Variants in GSTCD observed in about 807,000 individuals in gnomAD.
The protein encoded by GSTCD is glutathione S-transferase C-terminal domain-containing protein.
Under a neutral mutation model 68.3 loss-of-function variants are expected in GSTCD, and 44 were observed. That is an observed-to-expected ratio of 0.64 (90% CI 0.51 to 0.83). The LOEUF (loss-of-function observed/expected upper bound fraction) is 0.83, where lower values mean the gene tolerates loss of function less well. Ranked by LOEUF, GSTCD falls within the 40% of genes least tolerant of loss-of-function variation. The probability of loss-of-function intolerance (pLI) is 0.00; values close to 1 mark genes in which losing one functional copy is unlikely to be tolerated. For missense variants in GSTCD, 739 were observed against 735.9 expected, an observed-to-expected ratio of 1.00 and a Z score of -0.05; for synonymous variants, 273 against 255.2, an observed-to-expected ratio of 1.07 and a Z score of -0.67.
intron 4 of GSTCD, among the ~76,000 whole-genome samples, chr4:105,727,979 A>G (rs182162873): frequency 1.3e-5 from 2 of 152,318 alleles, no homozygotes; most frequent in Non-Finnish European, 2.9e-5. Context: ...TGATTTAGAA[A>G]TGGACAGGAA....
At chr4:105,709,872 A>G (rs1407433129) in intron 1 of GSTCD, among the ~76,000 whole-genome samples, 2 of 152,240 alleles carry the variant, frequency 1.3e-5, no homozygotes, top group African/African-American at 4.8e-5. Flanking sequence ...AATTTTAAAC[A>G]TGTAAACATA....
intron 5 of GSTCD, among the ~76,000 whole-genome samples, chr4:105,770,363 T>G (rs1176519615): frequency 6.6e-6 from 1 of 151,954 alleles, no homozygotes; most frequent in Non-Finnish European, 1.5e-5. Context: ...CTTATACTTT[T>G]TTTTTTTCCT....
chr4:105,742,442 G>C (rs528959069), intron 5 of GSTCD, among the ~76,000 whole-genome samples: 6 of 152,194 alleles, frequency 3.9e-5, no homozygotes, highest in Middle Eastern at 3.4e-3. Context: ...GAGTCAACCT[G>C]CCTGAAATTT....
At chr4:105,808,701 C>A (rs1252978993) in intron 5 of GSTCD, among the ~76,000 whole-genome samples, 3 of 152,194 alleles carry the variant, frequency 2.0e-5, no homozygotes, top group African/African-American at 7.2e-5. Context: ...GGTTTAGTTA[C>A]CCGCAGTCAA....
Position 105,719,119 on chromosome 4 carries a change from C to T in GSTCD, c.486C>T (p.Leu162=). The T allele has an allele frequency of 5.0e-6, 8 of 1,614,114 alleles. No homozygotes were observed. Among genetic ancestry groups the T allele is most frequent in the Non-Finnish European group, 6.8e-6 (8 of 1,179,996 alleles). The part of the protein sequence containing the change: ...LTIPLAIENF[L]RESSDQPPTI... ...TCCCTTTGGCTATTGAGAATTTTCTCAGAGAATCTTCTGACCAGCCCCCAA... is the reference window on the plus strand; with the variant it reads ...TCCCTTTGGCTATTGAGAATTTTCTTAGAGAATCTTCTGACCAGCCCCCAA... The change falls in exon 3 of 12, where the codon CTC becomes CTT. Residue 162 remains leucine (L), a synonymous_variant. Coordinates refer to ENST00000515279, the MANE Select transcript of GSTCD (RefSeq NM_001370181.1).
At chr4:105,840,879 A>G (rs1383114031) in intron 10 of GSTCD, among the ~76,000 whole-genome samples, 1 of 152,196 alleles carries the variant, frequency 6.6e-6, no homozygotes, top group Non-Finnish European at 1.5e-5. Flanking sequence ...GAAAGAAATC[A>G]AGCTTCTTTC....
chr4:105,792,845 C>T (rs1735728408), intron 5 of GSTCD, among the ~76,000 whole-genome samples: 2 of 152,012 alleles, frequency 1.3e-5, no homozygotes, highest in South Asian at 4.1e-4. Flanking sequence ...ATTCCCGCTA[C>T]ATCATTCTAG....
At chr4:105,759,042 G>C (rs2149233887) in intron 5 of GSTCD, among the ~76,000 whole-genome samples, 1 of 152,106 alleles carries the variant, frequency 6.6e-6, no homozygotes, top group East Asian at 1.9e-4. Context: ...AATATAATTT[G>C]CTTTTTTAAT....
intron 1 of GSTCD, among the ~76,000 whole-genome samples, chr4:105,713,427 A>G (rs371793892): frequency 6.6e-6 from 1 of 152,192 alleles, no homozygotes; most frequent in South Asian, 2.1e-4. Context: ...AGAATAACAT[A>G]ATATCTGACA....
chr4:105,772,564 G>T (rs1734893527), intron 5 of GSTCD, among the ~76,000 whole-genome samples: 1 of 152,198 alleles, frequency 6.6e-6, no homozygotes, highest in African/African-American at 2.4e-5. Flanking sequence ...TTTTTAGCAT[G>T]AAGTGGTGTG....
chr4:105,728,531 C>G (rs909512242), intron 4 of GSTCD, among the ~76,000 whole-genome samples: 1 of 152,022 alleles, frequency 6.6e-6, no homozygotes, highest in Non-Finnish European at 1.5e-5. Context: ...CTATTTCCTT[C>G]GGGACACAAA....
At chr4:105,729,607 T>C (rs1249065400) in intron 5 of GSTCD, 108 bp downstream of exon 5, 3 of 551,312 alleles carry the variant, frequency 5.4e-6, no homozygotes, top group Non-Finnish European at 9.3e-6. Flanking sequence ...ATTCTGATTA[T>C]ACTATCAGTT....
intron 10 of GSTCD, 43 bp from the exon 11 acceptor site, chr4:105,842,022 A>T (rs976980816): frequency 2.7e-6 from 4 of 1,461,926 alleles, no homozygotes; most frequent in Non-Finnish European, 1.9e-6. Flanking sequence ...ACTTTGAAGC[A>T]GAAGATAAAA....
At chr4:105,756,097 A>G (rs1424337415) in intron 5 of GSTCD, among the ~76,000 whole-genome samples, 3 of 152,210 alleles carry the variant, frequency 2.0e-5, no homozygotes, top group Non-Finnish European at 4.4e-5. Context: ...TGAACAACAG[A>G]TGAAGAAATA....
At position 105,794,839 on chromosome 4, in the gene GSTCD, T is replaced by TTATC. The variant is rs148088004; in HGVS notation, c.1241-28063_1241-28060dup. 5.6e-3 allele frequency among the ~76,000 whole-genome samples: 642 copies of TTATC among 114,554 alleles called. 9 individuals are homozygous for TTATC. Among genetic ancestry groups the TTATC allele is most frequent in the African/African-American group, 0.028 (541 of 19,366 alleles). 75.2% of individuals were successfully genotyped at this position (114,554 alleles called of 152,430 possible). A position where few individuals can be genotyped will look rare whatever the true frequency, so the allele number is the denominator to read the frequency against. On this transcript the variant is annotated intron_variant, in intron 5 of 11. Coordinates refer to ENST00000515279, the MANE Select transcript of GSTCD (RefSeq NM_001370181.1). ...TTTCTGCTTTTATCTATCTATCTATTTATCTATCTATCTATCTATCTATCT... is the reference window on the plus strand; with the variant it reads ...TTTCTGCTTTTATCTATCTATCTATTTATCTATCTATCTATCTATCTATCTATCT...
intron 5 of GSTCD, 61 bp downstream of exon 5, chr4:105,729,560 T>C (rs553516441): frequency 9.4e-7 from 1 of 1,065,398 alleles, no homozygotes; most frequent in African/African-American, 1.6e-5. Context: ...CAGATATGTC[T>C]TCTAATTCTC....
intron 4 of GSTCD, among the ~76,000 whole-genome samples, chr4:105,727,088 C>CTTTTTTTTTTTTTT (rs5860809): frequency 7.2e-6 from 1 of 138,084 alleles, no homozygotes; most frequent in African/African-American, 2.7e-5. Context: ...TTTCTCAAAA[C>CTTTTTTTTTTTTTT]TTTTTTTTTT....
chr4:105,716,896 G>A (rs1365148581), intron 1 of GSTCD, among the ~76,000 whole-genome samples: 1 of 152,142 alleles, frequency 6.6e-6, no homozygotes, highest in Non-Finnish European at 1.5e-5. Context: ...TTTCTCTAAG[G>A]AGGGTGGGAA....
intron 5 of GSTCD, among the ~76,000 whole-genome samples, chr4:105,797,617 G>A (rs1735946566): frequency 6.6e-6 from 1 of 152,088 alleles, no homozygotes; most frequent in Non-Finnish European, 1.5e-5. Context: ...TGACCAGGGT[G>A]GTGGTTGCTC....
Sources: gnomAD v4.1 joint callset for allele counts (sites outside exome capture counted in the v4.1 genomes callset) on GRCh38, gnomAD v4.1.1 for gene constraint, MANE v1.5 for transcripts, NCBI Gene and HGNC (gene_info 2026-07-23, HGNC 2026-07-21) for gene names.